TENM4: variants seen among roughly 807,000 people sequenced by gnomAD.
The protein encoded by TENM4 is teneurin-4.
Under a neutral mutation model 243.3 loss-of-function variants are expected in TENM4, and 82 were observed. That is an observed-to-expected ratio of 0.34 (90% CI 0.28 to 0.40). TENM4 has a LOEUF of 0.40. TENM4 is among the 10% of genes least tolerant of loss of function. TENM4 has a pLI of 1.00. For synonymous variants in TENM4, 1,412 were observed against 1,456.3 expected (o/e 0.97, Z 0.69); for missense variants, 3,138 against 3,673.3 (o/e 0.85, Z 3.77).
intron 2 of TENM4, among the ~76,000 whole-genome samples, chr11:79,252,401 A>C (rs986501995): frequency 1.3e-5 from 2 of 151,986 alleles, no homozygotes; most frequent in Non-Finnish European, 2.9e-5. Flanking sequence ...CACCCGGCTA[A>C]TTTTTCTTTT....
intron 1 of TENM4, among the ~76,000 whole-genome samples, chr11:79,384,097 G>C (rs1858060782): frequency 6.6e-6 from 1 of 152,142 alleles, no homozygotes; most frequent in Admixed American, 6.5e-5. Context: ...ATGCCAGCCT[G>C]ATGACCAGGA....
chr11:78,694,983 GTAATGGC>G (rs1858919847), intron 28 of TENM4, among the ~76,000 whole-genome samples: 1 of 152,132 alleles, frequency 6.6e-6, no homozygotes, highest in Admixed American at 6.5e-5. Flanking sequence ...CTGGGGGTTG[GTAATGGC>G]TATTCACTGT....
At chr11:79,009,996 C>G (rs995047379) in intron 6 of TENM4, among the ~76,000 whole-genome samples, 1 of 152,084 alleles carries the variant, frequency 6.6e-6, no homozygotes, top group South Asian at 2.1e-4. Context: ...TAGGAGAGTT[C>G]CCCTGCACAT....
intron 1 of TENM4, among the ~76,000 whole-genome samples, chr11:79,409,476 G>T (rs572734168): frequency 5.9e-5 from 9 of 152,272 alleles, no homozygotes; most frequent in African/African-American, 2.2e-4. Context: ...AATCCAGCGT[G>T]GCTAGGGAAT....
chr11:79,111,543 TCAACAACAA>T (rs542498523), intron 4 of TENM4, among the ~76,000 whole-genome samples: 1 of 151,870 alleles, frequency 6.6e-6, no homozygotes, highest in Non-Finnish European at 1.5e-5. Flanking sequence ...AGACTCTGTC[TCAACAACAA>T]CAACAACAAC....
At chr11:78,868,648 G>A (rs958240506) in intron 9 of TENM4, among the ~76,000 whole-genome samples, 2 of 152,180 alleles carry the variant, frequency 1.3e-5, no homozygotes, top group Admixed American at 6.5e-5. Context: ...CTCAGCACCC[G>A]GCCAGCAGGA....
chr11:79,259,658 TATCCATCCATCCATCCATCC>T (rs10534484), intron 2 of TENM4, among the ~76,000 whole-genome samples: 5 of 145,314 alleles, frequency 3.4e-5, no homozygotes, highest in Non-Finnish European at 6.0e-5. Flanking sequence ...TCCATCCATC[TATCCATCCATCCATCCATCC>T]ATCCATCCAT....
At chr11:78,813,900 C>T (rs1857551602) in intron 13 of TENM4, among the ~76,000 whole-genome samples, 2 of 152,174 alleles carry the variant, frequency 1.3e-5, no homozygotes, top group Admixed American at 6.5e-5. Flanking sequence ...CATTTACAGG[C>T]CAGAGAGACA....
chr11:79,128,121 T>C (rs1861920976), intron 4 of TENM4, among the ~76,000 whole-genome samples: 2 of 152,136 alleles, frequency 1.3e-5, no homozygotes, highest in Non-Finnish European at 2.9e-5. Flanking sequence ...GTGCTTGAGG[T>C]GTCAGTGGCA....
intron 6 of TENM4, among the ~76,000 whole-genome samples, chr11:79,059,877 C>T (rs1471030468): frequency 1.3e-5 from 2 of 152,192 alleles, no homozygotes; most frequent in African/African-American, 4.8e-5. Context: ...GACTTGAGGC[C>T]AGGTCTCCAC....
At chr11:79,231,318 T>C (rs1389231782) in intron 2 of TENM4, among the ~76,000 whole-genome samples, 1 of 152,098 alleles carries the variant, frequency 6.6e-6, no homozygotes, top group African/African-American at 2.4e-5. Context: ...TAATGTTCAG[T>C]TTCTCTAGTA....
chr11:78,901,795 T>A (rs979653904), intron 7 of TENM4, among the ~76,000 whole-genome samples: 10 of 152,150 alleles, frequency 6.6e-5, no homozygotes, highest in Non-Finnish European at 1.2e-4. Flanking sequence ...TCACACACGA[T>A]TTTAAAGGAT....
intron 7 of TENM4, among the ~76,000 whole-genome samples, chr11:78,899,563 G>A (rs868737541): frequency 2.2e-5 from 3 of 136,208 alleles, no homozygotes; most frequent in African/African-American, 8.1e-5. Flanking sequence ...AAAAAGCGGG[G>A]GGGGGGGGAA....
intron 12 of TENM4, among the ~76,000 whole-genome samples, chr11:78,844,020 G>T (rs899613527): frequency 3.1e-4 from 47 of 152,194 alleles, no homozygotes; most frequent in Admixed American, 2.6e-3. Context: ...TTGTCAGGCA[G>T]CTGGGCTCCA....
intron 1 of TENM4, among the ~76,000 whole-genome samples, chr11:79,429,850 T>C (rs940719417): frequency 6.6e-6 from 1 of 152,254 alleles, no homozygotes; most frequent in African/African-American, 2.4e-5. Context: ...CAAAGATTAC[T>C]GCATGATAAT....
intron 1 of TENM4, among the ~76,000 whole-genome samples, chr11:79,407,341 G>A (rs1201009341): frequency 6.6e-6 from 1 of 152,210 alleles, no homozygotes. Context: ...AAACAGTTTA[G>A]AAACTGTTAC....
intron 3 of TENM4, among the ~76,000 whole-genome samples, chr11:79,175,984 C>T (rs1217148398): frequency 2.0e-5 from 3 of 151,906 alleles, no homozygotes; most frequent in Non-Finnish European, 4.4e-5. Context: ...CCCAGCTACT[C>T]GGGAGGAAGA....
chr11:79,165,081 C>T (rs3017373), intron 3 of TENM4, among the ~76,000 whole-genome samples: 91,414 of 151,460 alleles, frequency 0.6, 28,159 homozygotes, highest in East Asian at 0.9. Flanking sequence ...TTTGAAATTG[C>T]GAATTGTGCT....
In TENM4 at chr11:79,130,949, G is replaced by A. The variant is rs544557622; in HGVS notation, c.-66+17761C>T. 2.0e-5 allele frequency among the ~76,000 whole-genome samples: 3 copies of A among 152,094 alleles called. No individual in the cohort carries two copies. In the South Asian group the frequency reaches 6.2e-4, roughly 32 times the overall value. On this transcript the variant is annotated intron_variant, in intron 4 of 33. Coordinates refer to ENST00000278550, the MANE Select transcript of TENM4 (RefSeq NM_001098816.3). ...AAGAAATTCAGAGCATGAAGACAAG[G>A]TCTTAGAATTAACCTAATCCAACAA...
Sources: allele counts gnomAD v4.1 joint callset (sites outside exome capture counted in the v4.1 genomes callset), GRCh38; gene constraint gnomAD v4.1.1; transcripts MANE v1.5; gene names NCBI Gene and HGNC (gene_info 2026-07-23, HGNC 2026-07-21).